KDELR1: variants seen among roughly 807,000 people sequenced by gnomAD.
The protein encoded by KDELR1 is KDEL endoplasmic reticulum protein retention receptor 1.
KDELR1 carries 16 observed loss-of-function variants against 25.5 expected under a neutral mutation model. The observed-to-expected ratio is 0.63, with a 90% confidence interval of 0.43 to 0.95. KDELR1 has a LOEUF of 0.95. Ranked by LOEUF, KDELR1 falls within the 40% of genes least tolerant of loss-of-function variation. The probability of loss-of-function intolerance (pLI) is 0.00; values close to 1 mark genes in which losing one functional copy is unlikely to be tolerated. For synonymous variants in KDELR1, 121 were observed against 115.0 expected (o/e 1.05, Z -0.33); for missense variants, 159 against 265.2 (o/e 0.60, Z 2.78).
At chr19:48,385,212 G>A (rs1351516221) in intron 3 of KDELR1, among the ~76,000 whole-genome samples, 1 of 152,046 alleles carries the variant, frequency 6.6e-6, no homozygotes, top group African/African-American at 2.4e-5. Flanking sequence ...GTGGCAGGCT[G>A]CATATGCTGT....
rs68111834 is a variant in KDELR1, at chr19:48,384,890, C to CTTTTTTT, written c.352-415_352-409dup. ...GAAATTTCCCTTCCTTTTTCTTTTT[C>CTTTTTTT]TTTTTTTTTTTTTTGAGATGGAGTA... On this transcript the variant is annotated intron_variant, in intron 3 of 4. Coordinates refer to ENST00000330720, the MANE Select transcript of KDELR1 (RefSeq NM_006801.3). This position sits in a 1 kb window ranked among gnomAD's most constrained non-coding sequence, Gnocchi z 4.6. Among the ~76,000 whole-genome samples, 3 of 140,262 alleles carry CTTTTTTT rather than the reference C, an allele frequency of 2.1e-5. No homozygotes were observed. The highest frequency in any genetic ancestry group is 4.6e-5 in the Non-Finnish European group (3 of 65,174). The allele number at this position is 140,262 out of a possible 152,430, so 92.0% of individuals were successfully genotyped here.
chr19:48,389,234 CA>C (rs1443398689), intron 3 of KDELR1, among the ~76,000 whole-genome samples: 1 of 152,102 alleles, frequency 6.6e-6, no homozygotes, highest in African/African-American at 2.4e-5. Context: ...CATGCCACTG[CA>C]CTCCAGTCTG....
rs143265613 is a variant in KDELR1, at chr19:48,391,352, G to T, written c.7C>A (p.Leu3Ile). 1.3e-4 allele frequency: 201 copies of T among 1,554,394 alleles called. No homozygotes were observed. The African/African-American group carries it at 2.6e-3, about 20-fold the overall frequency. MNLFRFLGDLSHL... is the reference protein window; with the variant it reads MNIFRFLGDLSHL... ...GAGAGGTCTCCCAGGAATCGGAAGA[G>T]ATTCATGGCTGGGGAACCCTGGCAG... The change falls in exon 1 of 5, where the codon CTC (leucine) becomes ATC (isoleucine). Residue 3 changes from leucine (L) to isoleucine (I), a missense_variant. Physicochemically the swap from Leu to Ile is conservative, Grantham distance 5. Coordinates refer to ENST00000330720, the MANE Select transcript of KDELR1 (RefSeq NM_006801.3).
Position 48,384,367 on chromosome 19 carries a change from C to T in KDELR1, c.467G>A (p.Gly156Asp). ...GAAGAGATAGAGCGTGCGGTAAACG[C>T]CTAGCGCAAACAAGTAGTGGCTGGT... ...TITSHYLFAL[G>D]VYRTLYLFNW... The change falls in exon 4 of 5, where the codon GGC becomes GAC. Residue 156 changes from glycine to aspartate, a missense_variant. By Grantham distance (94) the Gly-to-Asp change is moderately conservative. Transcript: ENST00000330720. The surrounding 1 kb of genome is among the most constrained non-coding windows in gnomAD (Gnocchi z 4.6). 1.2e-6 allele frequency: 2 copies of T among 1,614,218 alleles called. No homozygotes were observed. The highest frequency in any genetic ancestry group is 8.5e-7 in the Non-Finnish European group (1 of 1,180,044).
At chr19:48,383,651 G>T (rs756104093) in intron 4 of KDELR1, among the ~76,000 whole-genome samples, 1 of 152,048 alleles carries the variant, frequency 6.6e-6, no homozygotes, top group South Asian at 2.1e-4. Flanking sequence ...GACCACAGGC[G>T]TGCACCACCA....
intron 3 of KDELR1, among the ~76,000 whole-genome samples, chr19:48,388,880 GAAGA>G (rs561146770): frequency 0.024 from 3,326 of 141,260 alleles, 53 homozygotes; most frequent in Middle Eastern, 0.062. Flanking sequence ...AGGAAGGAAG[GAAGA>G]AAGAAAGGAA....
intron 3 of KDELR1, among the ~76,000 whole-genome samples, chr19:48,388,931 G>GAAAGAAGTAAA (rs1555890279): frequency 6.8e-6 from 1 of 146,324 alleles, no homozygotes; most frequent in African/African-American, 2.6e-5. Flanking sequence ...AAAGAAAGAA[G>GAAAGAAGTAAA]GAAAGAAAGA....
At chr19:48,396,825 C>A in the KDELR1 span, among the ~76,000 whole-genome samples, 1 of 152,140 alleles carries the variant, frequency 6.6e-6, no homozygotes, top group Non-Finnish European at 1.5e-5. Flanking sequence ...CCATGGCAAC[C>A]AGACAGGAGC....
chr19:48,396,899 G>A, the KDELR1 span, among the ~76,000 whole-genome samples: 19 of 152,070 alleles, frequency 1.2e-4, no homozygotes, highest in South Asian at 4.1e-4. Flanking sequence ...CCCCTAGTGC[G>A]GACTCCAGTC....
chr19:48,392,114 C>T (rs1179167132), upstream of KDELR1, among the ~76,000 whole-genome samples: 4 of 147,096 alleles, frequency 2.7e-5, no homozygotes, highest in Non-Finnish European at 4.5e-5. Flanking sequence ...CCCAGCTCCT[C>T]CTCGCTCAGA....
chr19:48,388,885 AAG>A (rs1970518024), intron 3 of KDELR1, among the ~76,000 whole-genome samples: 4 of 139,472 alleles, frequency 2.9e-5, no homozygotes, highest in East Asian at 4.1e-4. Context: ...GGAAGGAAGA[AAG>A]AAAGGAAGGA....
intron 3 of KDELR1, among the ~76,000 whole-genome samples, chr19:48,387,181 C>A (rs1970504023): frequency 6.6e-6 from 1 of 151,962 alleles, no homozygotes; most frequent in African/African-American, 2.4e-5. Flanking sequence ...TCTAGTAATC[C>A]CTAGTCAACA....
chr19:48,393,246 T>G (rs1600962179), upstream of KDELR1, among the ~76,000 whole-genome samples: 2 of 137,380 alleles, frequency 1.5e-5, no homozygotes. This position sits in a 1 kb window ranked among gnomAD's most constrained non-coding sequence, Gnocchi z 5.6. Context: ...GGCTGGGGGG[T>G]GGGACTCCTG....
At chr19:48,387,410 CG>C (rs1196734539) in intron 3 of KDELR1, among the ~76,000 whole-genome samples, 1 of 151,394 alleles carries the variant, frequency 6.6e-6, no homozygotes, top group Non-Finnish European at 1.5e-5. Flanking sequence ...AGGCCAGGCA[CG>C]GTGGCTCATG....
upstream of KDELR1, among the ~76,000 whole-genome samples, chr19:48,393,823 G>A (rs1028094652): frequency 6.6e-6 from 1 of 151,996 alleles, no homozygotes; most frequent in Non-Finnish European, 1.5e-5. The surrounding 1 kb of genome is among the most constrained non-coding windows in gnomAD (Gnocchi z 5.6). Flanking sequence ...GCCTGGGTAG[G>A]TCGGCCCGGC....
chr19:48,390,545 AAGAGAG>A (rs200187800), intron 1 of KDELR1, 21 bp from the exon 2 acceptor site: 2 of 1,218,948 alleles, frequency 1.6e-6, no homozygotes, highest in Admixed American at 2.1e-5. Context: ...GAGACAGAGA[AAGAGAG>A]AGAGAGAGAG....
At chr19:48,392,021 G>A (rs375985000), upstream of KDELR1, among the ~76,000 whole-genome samples, 5 of 150,700 alleles carry the variant, frequency 3.3e-5, no homozygotes, top group East Asian at 6.0e-4. Context: ...TCAGACCCAG[G>A]AGTCCAGACC....
upstream of KDELR1, among the ~76,000 whole-genome samples, chr19:48,395,213 G>A (rs1970623543): frequency 6.6e-6 from 1 of 151,030 alleles, no homozygotes; most frequent in Admixed American, 6.6e-5. Flanking sequence ...CATACCTGAT[G>A]CCCCATATCC....
intron 3 of KDELR1, among the ~76,000 whole-genome samples, chr19:48,388,343 G>A (rs962141790): frequency 2.0e-5 from 3 of 152,120 alleles, no homozygotes; most frequent in Admixed American, 6.5e-5. Context: ...TGTGGAAACC[G>A]AGGTACAGAG....
Sources: gnomAD v4.1 joint callset for allele counts (sites outside exome capture counted in the v4.1 genomes callset) on GRCh38, gnomAD v4.1.1 for gene constraint, Gnocchi (gnomAD v3.1) non-coding constraint, MANE v1.5 for transcripts, NCBI Gene and HGNC (gene_info 2026-07-23, HGNC 2026-07-21) for gene names.